The following SORCS1 variants were observed in gnomAD, a reference collection of about 807,000 sequenced individuals.
SORCS1 encodes VPS10 domain-containing receptor SorCS1.
In SORCS1, 60 loss-of-function variants were observed where a neutral mutation model predicts 146.1. That is an observed-to-expected ratio of 0.41 (90% confidence interval 0.33 to 0.51). The LOEUF (loss-of-function observed/expected upper bound fraction) is 0.51. Among genes scored for constraint, SORCS1 ranks in the 20% least tolerant of loss-of-function variants. SORCS1 has a pLI of 0.21. For missense variants in SORCS1, 1,352 were observed against 1,487.6 expected (o/e 0.91, Z 1.50); for synonymous variants, 637 against 584.0 (o/e 1.09, Z -1.31).
At chr10:106,620,672 G>A in intron 19 of SORCS1, 111 bp from the exon 20 acceptor site, 3 of 1,336,220 alleles carry the variant, frequency 2.2e-6, no homozygotes, top group Non-Finnish European at 2.0e-6. Flanking sequence ...AAACCTGGCT[G>A]CCATATTCCC....
rs559284601 is a variant in SORCS1, at chr10:106,981,146, T to C, written c.559-24566A>G. Among the ~76,000 whole-genome samples the C allele has an allele frequency of 2.4e-4, 37 of 152,306 alleles. 1 individual carries two copies. Among genetic ancestry groups the C allele is most frequent in the Admixed American group, 2.4e-3 (36 of 15,298 alleles). Reference sequence around the variant, plus strand: ...AGAAAATGTGTTTAGGTTGTCAGTATGCAAGAAGCTTAACACTTACCCCTC... The same window carrying C: ...AGAAAATGTGTTTAGGTTGTCAGTACGCAAGAAGCTTAACACTTACCCCTC... On this transcript the variant is annotated intron_variant, in intron 1 of 25. Coordinates refer to ENST00000263054, the MANE Select transcript of SORCS1 (RefSeq NM_052918.5).
chr10:106,591,879 T>A (rs997369347), intron 24 of SORCS1, among the ~76,000 whole-genome samples: 5 of 152,004 alleles, frequency 3.3e-5, no homozygotes, highest in Admixed American at 3.3e-4. Context: ...GGTGAAGAAG[T>A]GGGGAGAAAT....
intron 4 of SORCS1, among the ~76,000 whole-genome samples, chr10:106,773,337 G>A (rs777032180): frequency 1.3e-5 from 2 of 152,140 alleles, no homozygotes; most frequent in African/African-American, 2.4e-5. Flanking sequence ...AAAGTTCCAC[G>A]ACCCATGGGG....
intron 2 of SORCS1, among the ~76,000 whole-genome samples, chr10:106,914,496 C>G (rs1352897159): frequency 6.6e-6 from 1 of 152,122 alleles, no homozygotes; most frequent in East Asian, 1.9e-4. Flanking sequence ...ATGTCACTCC[C>G]CTCACATGCA....
chr10:106,881,411 C>G (rs918842175), intron 2 of SORCS1, among the ~76,000 whole-genome samples: 1 of 152,180 alleles, frequency 6.6e-6, no homozygotes, highest in East Asian at 1.9e-4. Context: ...CTGTTAGAAA[C>G]AAAAGCTCCA....
chr10:106,714,135 CAAAAAAAAAAA>C (rs56275056), intron 6 of SORCS1, among the ~76,000 whole-genome samples: 3 of 53,086 alleles, frequency 5.7e-5, no homozygotes, highest in Admixed American at 3.8e-4. Context: ...AACTCTGCCT[CAAAAAAAAAAA>C]AAAAAAAAAA....
At chr10:107,030,705 C>A (rs747402565) in intron 1 of SORCS1, among the ~76,000 whole-genome samples, 2 of 152,172 alleles carry the variant, frequency 1.3e-5, no homozygotes, top group Non-Finnish European at 2.9e-5. Flanking sequence ...TACAAGTCAT[C>A]ATTTTAAAGG....
chr10:106,746,064 C>T (rs574878669), intron 5 of SORCS1, among the ~76,000 whole-genome samples: 13 of 151,976 alleles, frequency 8.6e-5, no homozygotes, highest in East Asian at 5.8e-4. Flanking sequence ...CAAGGAAAGA[C>T]GGAGGAACTC....
At position 107,131,199 on chromosome 10, in the gene SORCS1, C is replaced by A. The variant is rs1395377759; in HGVS notation, c.558+32770G>T. Reference sequence around the variant, plus strand: ...TTTTGTATTTCTTTTAATGTTTGTCCCCTGGTGTTGACACAGACATTATTA... The same window carrying A: ...TTTTGTATTTCTTTTAATGTTTGTCACCTGGTGTTGACACAGACATTATTA... On this transcript the variant is annotated intron_variant, in intron 1 of 25. Transcript: ENST00000263054. 7.9e-5 allele frequency among the ~76,000 whole-genome samples: 12 copies of A among 152,098 alleles called. No homozygotes were observed. In the East Asian group the frequency reaches 2.3e-3, roughly 29 times the overall value.
intron 1 of SORCS1, among the ~76,000 whole-genome samples, chr10:106,957,938 T>C (rs960937083): frequency 3.9e-5 from 6 of 152,140 alleles, no homozygotes; most frequent in African/African-American, 1.4e-4. Context: ...CGTCTATGAG[T>C]CCGTGATCCA....
intron 1 of SORCS1, among the ~76,000 whole-genome samples, chr10:107,077,598 C>T (rs950612040): frequency 6.6e-6 from 1 of 150,770 alleles, no homozygotes; most frequent in Non-Finnish European, 1.5e-5. Flanking sequence ...AAGCATTTCA[C>T]ATACTAGATC....
chr10:107,117,605 G>A (rs1309760117), intron 1 of SORCS1, among the ~76,000 whole-genome samples: 1 of 152,132 alleles, frequency 6.6e-6, no homozygotes, highest in Non-Finnish European at 1.5e-5. Flanking sequence ...TGGGCTTGGA[G>A]GCACAGCATG....
At chr10:107,087,842 G>A (rs1257991941) in intron 1 of SORCS1, among the ~76,000 whole-genome samples, 17 of 152,242 alleles carry the variant, frequency 1.1e-4, no homozygotes. Context: ...GCTCCTGCCT[G>A]TTTCCCTTTT....
intron 1 of SORCS1, among the ~76,000 whole-genome samples, chr10:107,078,778 A>G (rs981635062): frequency 2.0e-5 from 3 of 152,250 alleles, no homozygotes; most frequent in Admixed American, 6.5e-5. Flanking sequence ...ACTTAACAAT[A>G]TTAAGGCCAC....
At chr10:106,966,623 C>T (rs566360110) in intron 1 of SORCS1, among the ~76,000 whole-genome samples, 117 of 152,244 alleles carry the variant, frequency 7.7e-4, no homozygotes, top group Admixed American at 1.8e-3. Context: ...TACAGATAAC[C>T]GAATCAACAT....
chr10:107,174,275 G>T, the SORCS1 span, among the ~76,000 whole-genome samples: 1 of 152,048 alleles, frequency 6.6e-6, no homozygotes, highest in African/African-American at 2.4e-5. Context: ...GCGCCATCTC[G>T]GCTCACTGCA....
At chr10:106,942,845 T>A (rs1954118618) in intron 2 of SORCS1, among the ~76,000 whole-genome samples, 1 of 152,232 alleles carries the variant, frequency 6.6e-6, no homozygotes, top group African/African-American at 2.4e-5. Flanking sequence ...TTTCTATATT[T>A]TCAGTCTCTT....
rs1400727418 is a variant in SORCS1 at position 107,014,277 on chromosome 10, AG to A, written c.559-57698del. On this transcript the variant is annotated intron_variant, in intron 1 of 25. Transcript: ENST00000263054. ...TCAAAAAAAAAAAAAAAAAAAGAAA[AG>A]AAAAAAAGAGAGAGAGAGAGAGAGA... Among the ~76,000 whole-genome samples, 41 of 134,192 alleles carry A rather than the reference AG, an allele frequency of 3.1e-4. 2 individuals are homozygous for A. The highest frequency in any genetic ancestry group is 8.7e-4 in the African/African-American group (24 of 27,564). 88.0% of individuals were successfully genotyped at this position (134,192 alleles called of 152,430 possible). A position where few individuals can be genotyped will look rare whatever the true frequency, so the allele number is the denominator to read the frequency against.
intron 1 of SORCS1, among the ~76,000 whole-genome samples, chr10:107,044,614 G>A (rs750673987): frequency 2.7e-5 from 4 of 150,616 alleles, no homozygotes; most frequent in Admixed American, 6.6e-5. Context: ...ACAAGATCAG[G>A]AGTTTGAAAC....
Sources: gnomAD v4.1 joint callset for allele counts (sites outside exome capture counted in the v4.1 genomes callset) on GRCh38, gnomAD v4.1.1 for gene constraint, MANE v1.5 for transcripts, NCBI Gene and HGNC (gene_info 2026-07-23, HGNC 2026-07-21) for gene names.